The following GATAD2A variants were observed in gnomAD, a reference collection of about 807,000 sequenced individuals.
GATAD2A encodes transcriptional repressor p66-alpha.
A neutral mutation model predicts 68.5 loss-of-function variants in GATAD2A; 12 were observed. The ratio of observed to expected loss-of-function variants is 0.18; its 90% CI spans 0.11 to 0.28. The LOEUF (loss-of-function observed/expected upper bound fraction) is 0.28. Ranked by LOEUF, GATAD2A falls within the 10% of genes least tolerant of loss-of-function variation. GATAD2A has a pLI of 1.00. For synonymous variants in GATAD2A, 410 were observed against 375.3 expected (o/e 1.09, Z -1.07); for missense variants, 755 against 868.5 (o/e 0.87, Z 1.64).
chr19:19,398,427 C>T (rs1199627164), intron 1 of GATAD2A, among the ~76,000 whole-genome samples: 2 of 152,056 alleles, frequency 1.3e-5, no homozygotes, highest in East Asian at 3.9e-4. Context: ...TTTCCAACTC[C>T]TGACCTCAGG....
At chr19:19,502,103 A>G in intron 10 of GATAD2A, 60 bp downstream of exon 10, 1 of 1,252,894 alleles carries the variant, frequency 8.0e-7, no homozygotes, top group Admixed American at 1.8e-5. Context: ...TGACCACGTC[A>G]GTCGCCGACT....
At chr19:19,495,703 AGT>A in intron 5 of GATAD2A, 49 bp from the exon 6 acceptor site, 1 of 1,522,694 alleles carries the variant, frequency 6.6e-7, no homozygotes, top group Non-Finnish European at 8.8e-7. Context: ...CTTTAAAAAA[AGT>A]GTGGGGGGGT....
intron 1 of GATAD2A, among the ~76,000 whole-genome samples, chr19:19,416,618 A>G (rs149510662): frequency 6.6e-6 from 1 of 152,308 alleles, no homozygotes; most frequent in East Asian, 1.9e-4. Flanking sequence ...GAAGTTTAAG[A>G]TGAAGGGAGC....
intron 2 of GATAD2A, among the ~76,000 whole-genome samples, chr19:19,479,868 C>T (rs1215225091): frequency 8.0e-6 from 1 of 125,006 alleles, no homozygotes; most frequent in East Asian, 2.5e-4. Flanking sequence ...GATGGAGTCT[C>T]ACTGCGTTAC....
chr19:19,422,353 C>A (rs1797643299), intron 1 of GATAD2A, among the ~76,000 whole-genome samples: 1 of 152,170 alleles, frequency 6.6e-6, no homozygotes, highest in Admixed American at 6.5e-5. Context: ...TGCCAGCCCC[C>A]ACCAGCACAG....
intron 1 of GATAD2A, chr19:19,429,235 T>C: frequency 1.0e-6 from 1 of 985,186 alleles, no homozygotes; most frequent in Non-Finnish European, 1.2e-6. Flanking sequence ...TCCAGCATCG[T>C]GGTCCATGGT....
At chr19:19,496,274 TC>T in intron 7 of GATAD2A, 55 bp downstream of exon 7, 1 of 1,505,526 alleles carries the variant, frequency 6.6e-7, no homozygotes. Context: ...CTGTGACTGC[TC>T]CCCTTGGACC....
At chr19:19,440,841 C>T (rs1269283412) in intron 1 of GATAD2A, among the ~76,000 whole-genome samples, 1 of 152,184 alleles carries the variant, frequency 6.6e-6, no homozygotes, top group Non-Finnish European at 1.5e-5. Context: ...CGTAGTTTGA[C>T]TGTAAATGTT....
intron 1 of GATAD2A, among the ~76,000 whole-genome samples, chr19:19,426,937 A>G (rs1255928136): frequency 6.6e-6 from 1 of 152,316 alleles, no homozygotes; most frequent in East Asian, 1.9e-4. Context: ...GTTTGGCACC[A>G]TGGGTATACC....
At position 19,505,377 on chromosome 19, in the gene GATAD2A, C is replaced by G; in HGVS notation, c.1808C>G (p.Ala603Gly). 2 of 1,612,896 alleles carry G rather than the reference C, an allele frequency of 1.2e-6. No homozygotes were observed. The highest frequency in any genetic ancestry group is 1.7e-6 in the Non-Finnish European group (2 of 1,179,510). The part of the protein sequence containing the change: ...GTLAFVSPSL[A>G]VHKSSSAVDR... ...CTTGCGTTTGTCAGCCCAAGCCTGG[C>G]GGTGCACAAGAGCTCCTCGGCCGTG... The change falls in exon 12 of 12, where the codon GCG (alanine) becomes GGG (glycine). Residue 603 changes from alanine (A) to glycine (G), a missense_variant. By Grantham distance (60) the Ala-to-Gly change is moderately conservative. Coordinates refer to ENST00000683918, the MANE Select transcript of GATAD2A (RefSeq NM_001384528.1).
Position 19,502,438 on chromosome 19 carries a change from C to T in GATAD2A, c.1686C>T (p.Val562=). ...ACTCAGCCTCGGCCACAGCCCTGGT[C>T]AGCAGGACCGGCAGACATTCTGAGA... ...LQNSASATAL[V]SRTGRHSERT... Residue 562 remains valine, a synonymous_variant, in exon 11 of 12, where the codon GTC becomes GTT. Transcript: ENST00000683918. 1 of 1,613,754 alleles carries T rather than the reference C, an allele frequency of 6.2e-7. No homozygotes were observed. The highest frequency in any genetic ancestry group is 1.1e-5 in the South Asian group (1 of 91,084).
chr19:19,484,588 A>G (rs1225238363), intron 2 of GATAD2A, among the ~76,000 whole-genome samples: 1 of 129,840 alleles, frequency 7.7e-6, no homozygotes, highest in Non-Finnish European at 1.5e-5. Context: ...TGGAGTGCGC[A>G]GTGGCACGAT....
chr19:19,428,864 CA>C, intron 1 of GATAD2A, among the ~76,000 whole-genome samples: 1 of 152,292 alleles, frequency 6.6e-6, no homozygotes, highest in South Asian at 2.1e-4. Flanking sequence ...AATAGCATGC[CA>C]GGGGTGGGGC....
chr19:19,405,575 C>G (rs1184874183), upstream of GATAD2A, among the ~76,000 whole-genome samples: 1 of 151,964 alleles, frequency 6.6e-6, no homozygotes, highest in Non-Finnish European at 1.5e-5. Context: ...CGGGGCGGTA[C>G]CGTCCGGCCC....
At chr19:19,495,648 A>AC in intron 5 of GATAD2A, 106 bp from the exon 6 acceptor site, 2 of 1,047,598 alleles carry the variant, frequency 1.9e-6, no homozygotes, top group African/African-American at 1.6e-5. Flanking sequence ...AAAAAAAAAA[A>AC]AAAAAAACTA....
At chr19:19,388,381 G>A (rs1397029877) in intron 1 of GATAD2A, among the ~76,000 whole-genome samples, 1 of 152,042 alleles carries the variant, frequency 6.6e-6, no homozygotes, top group Admixed American at 6.6e-5. Flanking sequence ...TCTGTCTGTG[G>A]CACCCACTTT....
At chr19:19,485,843 C>T (rs1456930578) in intron 2 of GATAD2A, among the ~76,000 whole-genome samples, 2 of 152,208 alleles carry the variant, frequency 1.3e-5, no homozygotes, top group Non-Finnish European at 2.9e-5. Context: ...CACAAAAGCG[C>T]TTGGACTCAA....
chr19:19,491,282 A>G (rs2059773189), intron 2 of GATAD2A, among the ~76,000 whole-genome samples: 1 of 152,194 alleles, frequency 6.6e-6, no homozygotes, highest in African/African-American at 2.4e-5. Flanking sequence ...AAAAGAGGAA[A>G]GCCTGCAAGT....
At chr19:19,492,017 C>T (rs2059826416) in intron 2 of GATAD2A, among the ~76,000 whole-genome samples, 1 of 152,218 alleles carries the variant, frequency 6.6e-6, no homozygotes, top group African/African-American at 2.4e-5. Context: ...CCAAAGTCAC[C>T]ATGTCATGCT....
Sources: allele counts gnomAD v4.1 joint callset (sites outside exome capture counted in the v4.1 genomes callset), GRCh38; gene constraint gnomAD v4.1.1; transcripts MANE v1.5; gene names NCBI Gene and HGNC (gene_info 2026-07-23, HGNC 2026-07-21).